The following PTPA variants were observed in gnomAD, a reference collection of about 807,000 sequenced individuals.
The protein encoded by PTPA is protein phosphatase 2 phosphatase activator.
Under a neutral mutation model 43.6 loss-of-function variants are expected in PTPA, and 13 were observed. The ratio of observed to expected loss-of-function variants is 0.30; its 90% CI spans 0.19 to 0.47. The LOEUF (loss-of-function observed/expected upper bound fraction) is 0.47, where lower values mean the gene tolerates loss of function less well. Among genes scored for constraint, PTPA ranks in the 20% least tolerant of loss-of-function variants. The pLI is 0.99. For synonymous variants in PTPA, 172 were observed against 158.2 expected, an observed-to-expected ratio of 1.09 and a Z score of -0.66; for missense variants, 329 against 411.9, an observed-to-expected ratio of 0.80 and a Z score of 1.74.
Position 129,142,436 on chromosome 9 carries a change from C to A in PTPA, c.787-9C>A, listed in dbSNP as rs146867459. 6.4e-7 allele frequency: 1 copy of A among 1,559,398 alleles called. No individual in the cohort carries two copies. The highest frequency in any genetic ancestry group is 1.4e-5 in the African/African-American group (1 of 72,896). On this transcript the variant is annotated splice_polypyrimidine_tract_variant and intron_variant, in intron 8 of 9. Coordinates refer to ENST00000393370, the MANE Select transcript of PTPA (RefSeq NM_178000.3). ...CCTGTCTCTTCAGCTTGTGGCTTCT[C>A]TTTTTCAGATGAAGACTGGCCCATT...
At chr9:129,130,546 C>T (rs746902612) in intron 4 of PTPA, among the ~76,000 whole-genome samples, 48 of 152,004 alleles carry the variant, frequency 3.2e-4, no homozygotes, top group Admixed American at 1.2e-3. Context: ...GCATGCGCCA[C>T]CATGCTTGGC....
chr9:129,143,601 C>T (rs1251910769), intron 9 of PTPA: 3 of 617,358 alleles, frequency 4.9e-6, no homozygotes, highest in Non-Finnish European at 8.7e-6. Context: ...GCACTTGGTC[C>T]TGAAGGGGTT....
chr9:129,142,359 T>TG (rs1457067343), intron 8 of PTPA, 86 bp from the exon 9 acceptor site: 1 of 1,184,422 alleles, frequency 8.4e-7, no homozygotes, highest in East Asian at 2.4e-5. Context: ...TGTGTGTGCA[T>TG]GCATGGGTGT....
At chr9:129,132,360 T>C (rs1366754934) in intron 5 of PTPA, among the ~76,000 whole-genome samples, 1 of 152,124 alleles carries the variant, frequency 6.6e-6, no homozygotes, top group East Asian at 1.9e-4. Context: ...GACAGGGTCT[T>C]GCTTTGTCAC....
chr9:129,123,254 A>G (rs1849374470), intron 3 of PTPA, 116 bp downstream of exon 3: 3 of 817,770 alleles, frequency 3.7e-6, no homozygotes, highest in Admixed American at 2.1e-5. Context: ...CAGGCGGCTC[A>G]CGAGGTCAGG....
chr9:129,136,671 C>T lies in PTPA; in HGVS notation c.685+76C>T, dbSNP rs1850392520. 12 of 1,459,316 alleles carry T rather than the reference C, an allele frequency of 8.2e-6. No individual in the cohort carries two copies. In the South Asian group the frequency reaches 8.5e-5, roughly 10 times the overall value. 90.4% of individuals were successfully genotyped at this position (1,459,316 alleles called of 1,614,324 possible). A position where few individuals can be genotyped will look rare whatever the true frequency, so the allele number is the denominator to read the frequency against. ...CTGTGGCCCTCCCCTGCCCCTCCTG[C>T]GCTCCCTCCTTCCCTTCTTCCTGCC... On this transcript the variant is annotated intron_variant, in intron 7 of 9. Transcript: ENST00000393370.
chr9:129,140,435 A>G (rs1011202119), intron 8 of PTPA, among the ~76,000 whole-genome samples: 2 of 152,028 alleles, frequency 1.3e-5, no homozygotes, highest in African/African-American at 4.8e-5. Flanking sequence ...CAAAGAAACT[A>G]CCTCTCTGGC....
chr9:129,143,548 CG>C lies in PTPA; in HGVS notation c.894+1000del, dbSNP rs1274267653. On this transcript the variant is annotated intron_variant, in intron 9 of 9. Transcript: ENST00000393370. ...AACGGGGAAGGGTGCCAGAGGCCAG[CG>C]GGGTGGGGGAGCACAGATGCTTCCA... 1.3e-5 allele frequency: 9 copies of C among 669,994 alleles called. No homozygotes were observed. The African/African-American group carries it at 1.6e-4, about 12-fold the overall frequency. The allele number at this position is 669,994 out of a possible 1,614,324, so 41.5% of individuals were successfully genotyped here.
intron 9 of PTPA, among the ~76,000 whole-genome samples, chr9:129,145,820 C>CTT (rs947997945): frequency 1.3e-5 from 2 of 152,144 alleles, no homozygotes; most frequent in Non-Finnish European, 2.9e-5. Context: ...CCTTCCCCAG[C>CTT]TTGAATCACC....
upstream of PTPA, chr9:129,111,245 A>G (rs1848447226): frequency 8.7e-7 from 1 of 1,143,426 alleles, no homozygotes; most frequent in Non-Finnish European, 1.1e-6. Flanking sequence ...CGCCCCGCAC[A>G]ATCGTGGCAG....
chr9:129,131,931 T>A (rs775452628), intron 5 of PTPA, among the ~76,000 whole-genome samples: 2 of 152,180 alleles, frequency 1.3e-5, no homozygotes, highest in African/African-American at 2.4e-5. Flanking sequence ...GTCTCTGAGC[T>A]CCTCATCATC....
At chr9:129,111,215 T>C (rs1848445725), upstream of PTPA, 2 of 1,134,690 alleles carry the variant, frequency 1.8e-6, no homozygotes, top group Non-Finnish European at 1.1e-6. Flanking sequence ...AAAACATGGC[T>C]GAGCACAACC....
intron 1 of PTPA, among the ~76,000 whole-genome samples, chr9:129,116,338 C>T (rs1232637061): frequency 7.9e-6 from 1 of 126,174 alleles, no homozygotes; most frequent in African/African-American, 2.6e-5. Context: ...GCATGCGTCA[C>T]CTCGCCCAGC....
intron 1 of PTPA, among the ~76,000 whole-genome samples, chr9:129,113,069 G>A (rs9409310): frequency 0.22 from 33,421 of 150,514 alleles, 4,134 homozygotes; most frequent in Middle Eastern, 0.29. Context: ...AAAAAAAGTC[G>A]CAAAAAAAAA....
chr9:129,142,770 T>C, intron 9 of PTPA: 1 of 1,536,288 alleles, frequency 6.5e-7, no homozygotes, highest in South Asian at 1.2e-5. Flanking sequence ...CCCGAAAAGC[T>C]GCAGTCCAGC....
At chr9:129,132,955 AAGGG>A (rs1850081578) in intron 5 of PTPA, among the ~76,000 whole-genome samples, 1 of 152,128 alleles carries the variant, frequency 6.6e-6, no homozygotes, top group South Asian at 2.1e-4. Flanking sequence ...AAAAATATAA[AAGGG>A]AGGTGTTCTC....
chr9:129,142,992 T>C (rs922309290), intron 9 of PTPA: 3 of 1,282,754 alleles, frequency 2.3e-6, no homozygotes, highest in East Asian at 5.1e-5. Context: ...GTATGATCAC[T>C]GAGTGGTGGG....
At chr9:129,146,059 T>A (rs912313172) in intron 9 of PTPA, among the ~76,000 whole-genome samples, 2 of 138,246 alleles carry the variant, frequency 1.4e-5, no homozygotes, top group African/African-American at 5.6e-5. Flanking sequence ...CTATGGGAGC[T>A]AGAGGGAGGT....
chr9:129,120,733 G>C (rs967896916), intron 2 of PTPA, 123 bp downstream of exon 2: 1 of 781,268 alleles, frequency 1.3e-6, no homozygotes, highest in African/African-American at 1.8e-5. Context: ...AAGCTAGGGA[G>C]AAAGGTGACA....
Sources: allele counts gnomAD v4.1 joint callset (sites outside exome capture counted in the v4.1 genomes callset), GRCh38; gene constraint gnomAD v4.1.1; transcripts MANE v1.5; gene names NCBI Gene and HGNC (gene_info 2026-07-23, HGNC 2026-07-21).